Variants in SNAP25 observed in about 807,000 individuals in gnomAD.
The protein encoded by SNAP25 is synaptosome associated protein 25, also known as synaptosomal-associated protein 25.
In SNAP25, 3 loss-of-function variants were observed where a neutral mutation model predicts 28.7. The ratio of observed to expected loss-of-function variants is 0.10; its 90% CI spans 0.05 to 0.27. The LOEUF (loss-of-function observed/expected upper bound fraction) is 0.27. Among genes scored for constraint, SNAP25 ranks in the 10% least tolerant of loss-of-function variants. The probability of loss-of-function intolerance (pLI) is 1.00; values close to 1 mark genes in which losing one functional copy is unlikely to be tolerated. For synonymous variants in SNAP25, 61 were observed against 88.1 expected, an observed-to-expected ratio of 0.69 and a Z score of 1.72; for missense variants, 117 against 278.7, an observed-to-expected ratio of 0.42 and a Z score of 4.13.
chr20:10,290,999 A>G (rs2063985498), intron 4 of SNAP25, among the ~76,000 whole-genome samples: 1 of 152,200 alleles, frequency 6.6e-6, no homozygotes, highest in Non-Finnish European at 1.5e-5. Context: ...CTGGAGTGAA[A>G]TCCTTAGAAA....
chr20:10,237,768 G>T (rs1600660126), intron 1 of SNAP25, among the ~76,000 whole-genome samples: 1 of 152,144 alleles, frequency 6.6e-6, no homozygotes, highest in East Asian at 1.9e-4. Context: ...AAGTCCCTCA[G>T]CTTAAAAATA....
intron 1 of SNAP25, among the ~76,000 whole-genome samples, chr20:10,269,381 G>A (rs1326047150): frequency 6.6e-6 from 1 of 152,132 alleles, no homozygotes; most frequent in African/African-American, 2.4e-5. Context: ...CCACCTGGGC[G>A]ACAGAGCAAG....
Position 10,293,081 on chromosome 20 carries a change from T to C in SNAP25, c.164-80T>C. On this transcript the variant is annotated intron_variant, in intron 4 of 7. Coordinates refer to ENST00000254976, the MANE Select transcript of SNAP25 (RefSeq NM_130811.4). The surrounding 1 kb of genome is among the most constrained non-coding windows in gnomAD (Gnocchi z 5.6). Reference sequence around the variant, plus strand: ...TTTTCTTTTTTAATGTCAAAGTGAATGTCTGAAGTTTTGTCTTTTTTTCTT... The same window carrying C: ...TTTTCTTTTTTAATGTCAAAGTGAACGTCTGAAGTTTTGTCTTTTTTTCTT... 2.1e-6 allele frequency: 3 copies of C among 1,426,126 alleles called. No individual in the cohort carries two copies. The highest frequency in any genetic ancestry group is 2.9e-6 in the Non-Finnish European group (3 of 1,039,012). 88.3% of individuals were successfully genotyped at this position (1,426,126 alleles called of 1,614,324 possible).
chr20:10,294,105 G>T (rs1398383125), intron 5 of SNAP25, among the ~76,000 whole-genome samples: 1 of 152,176 alleles, frequency 6.6e-6, no homozygotes, highest in Non-Finnish European at 1.5e-5. Context: ...GGTGGAAAAA[G>T]AAATGCATGA....
At chr20:10,257,901 A>T (rs2063348560) in intron 1 of SNAP25, among the ~76,000 whole-genome samples, 1 of 151,880 alleles carries the variant, frequency 6.6e-6, no homozygotes, top group Admixed American at 6.6e-5. Flanking sequence ...AAAAAAAAAA[A>T]AAAGTTCACC....
At chr20:10,224,354 G>GCTA (rs2062697571) in intron 1 of SNAP25, among the ~76,000 whole-genome samples, 1 of 139,820 alleles carries the variant, frequency 7.2e-6, no homozygotes, top group South Asian at 2.4e-4. Flanking sequence ...GTCAGAGCCA[G>GCTA]GAGACCCAGC....
intron 1 of SNAP25, among the ~76,000 whole-genome samples, chr20:10,227,970 C>T (rs1452748926): frequency 2.0e-5 from 3 of 152,024 alleles, no homozygotes; most frequent in African/African-American, 7.2e-5. Context: ...TTAAAAGTGT[C>T]CTTCAGAGAC....
intron 1 of SNAP25, among the ~76,000 whole-genome samples, chr20:10,230,918 C>T (rs1245049911): frequency 6.6e-6 from 1 of 152,154 alleles, no homozygotes; most frequent in Admixed American, 6.5e-5. Flanking sequence ...TGGGGGCCAA[C>T]TGGCTCCTTT....
chr20:10,249,101 C>T (rs1004175860), intron 1 of SNAP25, among the ~76,000 whole-genome samples: 1 of 152,202 alleles, frequency 6.6e-6, no homozygotes, highest in Non-Finnish European at 1.5e-5. Flanking sequence ...TAACAGCCAA[C>T]GTTTACTTCA....
intron 7 of SNAP25, among the ~76,000 whole-genome samples, chr20:10,303,894 T>C (rs975099232): frequency 6.6e-6 from 1 of 152,140 alleles, no homozygotes; most frequent in African/African-American, 2.4e-5. Flanking sequence ...TACAAAATCA[T>C]AGTAAATGTG....
Position 10,224,257 on chromosome 20 carries a change from C to CTTTTTTTTTTTTTTTTTTTTTTTTTTTT in SNAP25, c.-64+5288_-64+5315dup, listed in dbSNP as rs71332917. On this transcript the variant is annotated intron_variant, in intron 1 of 7. Transcript: ENST00000254976. The stretch of plus-strand genomic sequence containing the variant: ...AATAAGGCATAGAGAATGTACATGT[C>CTTTTTTTTTTTTTTTTTTTTTTTTTTTT]TTTTTTTTTTTTTTTTTTTTTTTTT... 4.0e-4 allele frequency among the ~76,000 whole-genome samples: 7 copies of CTTTTTTTTTTTTTTTTTTTTTTTTTTTT among 17,432 alleles called. 3 individuals carry two copies. The highest frequency in any genetic ancestry group is 8.1e-4 in the African/African-American group (3 of 3,698). The allele number at this position is 17,432 out of a possible 152,430, so 11.4% of individuals were successfully genotyped here. A position where few individuals can be genotyped will look rare whatever the true frequency, so the allele number is the denominator to read the frequency against.
At chr20:10,279,210 T>C (rs1182095000) in intron 3 of SNAP25, among the ~76,000 whole-genome samples, 1 of 152,194 alleles carries the variant, frequency 6.6e-6, no homozygotes, top group African/African-American at 2.4e-5. Context: ...TTATTCTCTC[T>C]CAAGTTTTCA....
chr20:10,263,328 G>T lies in SNAP25; in HGVS notation c.-63-12101G>T, dbSNP rs78416140. On this transcript the variant is annotated intron_variant, in intron 1 of 7. Transcript: ENST00000254976. ...GCCACCGCACCAGGCCAACCCTGGG[G>T]TATTCTTACAAAGAGGGTCACAGGC... Among the ~76,000 whole-genome samples the T allele has an allele frequency of 3.5e-3, 531 of 152,162 alleles. 4 individuals carry two copies. The highest frequency in any genetic ancestry group is 0.012 in the African/African-American group (482 of 41,546).
intron 1 of SNAP25, among the ~76,000 whole-genome samples, chr20:10,229,377 C>A (rs2122651161): frequency 6.6e-6 from 1 of 152,150 alleles, no homozygotes; most frequent in African/African-American, 2.4e-5. Flanking sequence ...TGGAGCCAGC[C>A]TTGAATACAA....
At chr20:10,254,190 C>T (rs968440525) in intron 1 of SNAP25, among the ~76,000 whole-genome samples, 2 of 152,370 alleles carry the variant, frequency 1.3e-5, no homozygotes, top group South Asian at 2.1e-4. Context: ...CAGAAAGTTG[C>T]TTCATCCATA....
At chr20:10,246,237 T>C (rs2063124638) in intron 1 of SNAP25, among the ~76,000 whole-genome samples, 1 of 152,092 alleles carries the variant, frequency 6.6e-6, no homozygotes, top group African/African-American at 2.4e-5. Context: ...AAAGAGAAGA[T>C]GGTGTGGGTG....
At chr20:10,231,790 G>T (rs758910407) in intron 1 of SNAP25, among the ~76,000 whole-genome samples, 2 of 152,150 alleles carry the variant, frequency 1.3e-5, no homozygotes, top group African/African-American at 2.4e-5. Context: ...TCAGATTTCA[G>T]ATTTTCAGAT....
rs1296061047 is a variant in SNAP25, at chr20:10,293,473, C to T, written c.281+195C>T. Reference sequence around the variant, plus strand: ...TACTGTTGATGCATTAAAAATCAGGCATACTACAGTGAAAGCTTCACTGTC... The same window carrying T: ...TACTGTTGATGCATTAAAAATCAGGTATACTACAGTGAAAGCTTCACTGTC... On this transcript the variant is annotated intron_variant, in intron 5 of 7. Transcript: ENST00000254976. This position sits in a 1 kb window ranked among gnomAD's most constrained non-coding sequence, Gnocchi z 5.6. Among the ~76,000 whole-genome samples the T allele has an allele frequency of 6.6e-6, 1 of 152,190 alleles. No individual in the cohort carries two copies. The highest frequency in any genetic ancestry group is 2.4e-5 in the African/African-American group (1 of 41,444).
intron 1 of SNAP25, among the ~76,000 whole-genome samples, chr20:10,241,908 T>C (rs1344084230): frequency 6.6e-6 from 1 of 152,156 alleles, no homozygotes; most frequent in Non-Finnish European, 1.5e-5. Context: ...CCATCTGATT[T>C]ATCTTTCTAC....
Sources: gnomAD v4.1 joint callset for allele counts (sites outside exome capture counted in the v4.1 genomes callset) on GRCh38, gnomAD v4.1.1 for gene constraint, Gnocchi (gnomAD v3.1) non-coding constraint, MANE v1.5 for transcripts, NCBI Gene and HGNC (gene_info 2026-07-23, HGNC 2026-07-21) for gene names.